ZNF521: variants seen among roughly 807,000 people sequenced by gnomAD.
ZNF521 encodes zinc finger protein 521, also known as LYST-interacting protein 3.
In ZNF521, 14 loss-of-function variants were observed where a neutral mutation model predicts 105.5. The ratio of observed to expected loss-of-function variants is 0.13; its 90% confidence interval spans 0.09 to 0.21. The LOEUF (loss-of-function observed/expected upper bound fraction) is 0.21, where lower values mean the gene tolerates loss of function less well. Among genes scored for constraint, ZNF521 ranks in the 10% least tolerant of loss-of-function variants. The pLI, the probability that ZNF521 is intolerant of heterozygous loss-of-function variation, is 1.00. For synonymous variants in ZNF521, 635 were observed against 606.0 expected, an observed-to-expected ratio of 1.05 and a Z score of -0.70; for missense variants, 1,233 against 1,629.7, an observed-to-expected ratio of 0.76 and a Z score of 4.19.
At chr18:25,192,280 C>T (rs896654439) in intron 5 of ZNF521, among the ~76,000 whole-genome samples, 1 of 152,148 alleles carries the variant, frequency 6.6e-6, no homozygotes, top group Non-Finnish European at 1.5e-5. Flanking sequence ...CATGTGTCCA[C>T]ACCTTGCTGC....
At chr18:25,272,817 G>A (rs1024417874) in intron 3 of ZNF521, among the ~76,000 whole-genome samples, 6 of 152,016 alleles carry the variant, frequency 3.9e-5, no homozygotes, top group African/African-American at 7.3e-5. Context: ...TGTAGATGAC[G>A]GGTTGATAGG....
At chr18:25,199,449 T>C (rs753536427) in intron 4 of ZNF521, among the ~76,000 whole-genome samples, 1 of 151,982 alleles carries the variant, frequency 6.6e-6, no homozygotes, top group South Asian at 2.1e-4. Flanking sequence ...CAGCTGATTA[T>C]TAGATGCTAT....
intron 3 of ZNF521, among the ~76,000 whole-genome samples, chr18:25,252,839 G>T (rs1908210178): frequency 6.6e-6 from 1 of 152,120 alleles, no homozygotes; most frequent in Non-Finnish European, 1.5e-5. Context: ...TAAATGCTGT[G>T]CAAGTGCCTG....
intron 3 of ZNF521, among the ~76,000 whole-genome samples, chr18:25,285,698 T>TCACACACACA (rs66794523): frequency 6.8e-5 from 10 of 146,994 alleles, no homozygotes; most frequent in East Asian, 2.0e-4. Context: ...TCTCTCTCTC[T>TCACACACACA]CACACACACA....
At chr18:25,309,548 T>C (rs999050342) in intron 3 of ZNF521, among the ~76,000 whole-genome samples, 2 of 152,186 alleles carry the variant, frequency 1.3e-5, no homozygotes, top group Non-Finnish European at 2.9e-5. Context: ...CAGGATAATA[T>C]ATGTAATATT....
chr18:25,095,760 A>G (rs911594137), intron 5 of ZNF521, among the ~76,000 whole-genome samples: 2 of 152,240 alleles, frequency 1.3e-5, no homozygotes, highest in African/African-American at 4.8e-5. Context: ...ACTTAAAAGT[A>G]TTCTAGCCAC....
At chr18:25,195,284 G>A in intron 4 of ZNF521, 40 bp from the exon 5 acceptor site, 1 of 1,426,996 alleles carries the variant, frequency 7.0e-7, no homozygotes, top group Non-Finnish European at 9.6e-7. Flanking sequence ...TAGACACATG[G>A]ACTTTTAATT....
chr18:25,241,793 C>A (rs1252344057), intron 3 of ZNF521, among the ~76,000 whole-genome samples: 8 of 152,106 alleles, frequency 5.3e-5, no homozygotes, highest in Non-Finnish European at 1.2e-4. Flanking sequence ...AAAGAAAAAC[C>A]ATTATTTGTA....
intron 5 of ZNF521, among the ~76,000 whole-genome samples, chr18:25,193,274 T>C (rs2035849238): frequency 6.6e-6 from 1 of 152,140 alleles, no homozygotes; most frequent in African/African-American, 2.4e-5. Context: ...AGTCCTGTTA[T>C]GCTGAACATT....
intron 3 of ZNF521, among the ~76,000 whole-genome samples, chr18:25,268,759 TAC>T (rs1909437947): frequency 6.6e-6 from 1 of 152,114 alleles, no homozygotes; most frequent in Non-Finnish European, 1.5e-5. Flanking sequence ...AGGCCTGCCT[TAC>T]AAGAACTCCT....
At position 25,277,522 on chromosome 18, in the gene ZNF521, A is replaced by T. The variant is rs532195892; in HGVS notation, c.220+44486T>A. 2.2e-4 allele frequency among the ~76,000 whole-genome samples: 34 copies of T among 152,356 alleles called. No individual in the cohort carries two copies. The South Asian group carries it at 7.0e-3, about 32-fold the overall frequency. On this transcript the variant is annotated intron_variant, in intron 3 of 7. Transcript: ENST00000361524. ...ACTCGGACCCTCAACTATTAAGTAAAATATGCATAAATGATTGTACTGACA... is the reference window on the plus strand; with the variant it reads ...ACTCGGACCCTCAACTATTAAGTAATATATGCATAAATGATTGTACTGACA...
chr18:25,102,291 T>C (rs1425619547), intron 5 of ZNF521, among the ~76,000 whole-genome samples: 1 of 152,084 alleles, frequency 6.6e-6, no homozygotes, highest in Non-Finnish European at 1.5e-5. Flanking sequence ...GACATTCTAA[T>C]AAATACCTCA....
chr18:25,157,794 A>G (rs1343442312), intron 5 of ZNF521, among the ~76,000 whole-genome samples: 1 of 151,634 alleles, frequency 6.6e-6, no homozygotes, highest in Non-Finnish European at 1.5e-5. Context: ...ACTGTCATCC[A>G]GGCTGGAGTG....
chr18:25,134,031 C>A (rs2034687814), intron 5 of ZNF521, among the ~76,000 whole-genome samples: 1 of 152,096 alleles, frequency 6.6e-6, no homozygotes, highest in African/African-American at 2.4e-5. Flanking sequence ...AGGAATATTA[C>A]TACACTCTTT....
intron 4 of ZNF521, among the ~76,000 whole-genome samples, chr18:25,217,265 G>A (rs545940962): frequency 6.8e-4 from 103 of 152,258 alleles, no homozygotes; most frequent in African/African-American, 2.4e-3. Flanking sequence ...AAGCTACTGC[G>A]GTATCCAGAC....
intron 5 of ZNF521, among the ~76,000 whole-genome samples, chr18:25,183,817 T>C (rs185439784): frequency 6.6e-6 from 1 of 152,272 alleles, no homozygotes; most frequent in African/African-American, 2.4e-5. Context: ...TAAATGTGGT[T>C]AGAGAACCTT....
At chr18:25,318,681 G>C (rs1002043655) in intron 3 of ZNF521, among the ~76,000 whole-genome samples, 1 of 152,102 alleles carries the variant, frequency 6.6e-6, no homozygotes, top group Admixed American at 6.5e-5. Context: ...ATGTACCTGA[G>C]GTACTGAATT....
chr18:25,095,741 C>T (rs903642030), intron 5 of ZNF521, among the ~76,000 whole-genome samples: 2 of 152,082 alleles, frequency 1.3e-5, no homozygotes, highest in Non-Finnish European at 2.9e-5. Flanking sequence ...TCTAGTTTTG[C>T]CCAATTAAAC....
intron 5 of ZNF521, among the ~76,000 whole-genome samples, chr18:25,116,559 A>G (rs1235202123): frequency 6.6e-6 from 1 of 151,982 alleles, no homozygotes; most frequent in East Asian, 1.9e-4. Context: ...GGCAGAATAA[A>G]CTCCTACTAG....
Sources: allele counts gnomAD v4.1 joint callset (sites outside exome capture counted in the v4.1 genomes callset), GRCh38; gene constraint gnomAD v4.1.1; transcripts MANE v1.5; gene names NCBI Gene and HGNC (gene_info 2026-07-23, HGNC 2026-07-21).